Variants in REL observed in about 807,000 individuals in gnomAD.
REL encodes REL proto-oncogene, NF-kB subunit.
REL carries 15 observed loss-of-function variants against 45.9 expected under a neutral mutation model. That is an observed-to-expected ratio of 0.33 (90% CI 0.22 to 0.50). The LOEUF is 0.50. Among genes scored for constraint, REL ranks in the 20% least tolerant of loss-of-function variants. The pLI, the probability that REL is intolerant of heterozygous loss-of-function variation, is 0.98. For synonymous variants in REL, 239 were observed against 242.1 expected (o/e 0.99, Z 0.12); for missense variants, 601 against 715.2 (o/e 0.84, Z 1.82).
chr2:60,881,770 ACTG>A lies in REL; in HGVS notation c.-70_-68del. ...CCGGCAGAGGTCCCTCGGCCTCCTG[ACTG>A]ACTGACTGCGGCCGCCTCCGGCCAG... On this transcript the variant is annotated 5_prime_UTR_variant, in exon 1 of 10. Coordinates refer to ENST00000394479, the MANE Select transcript of REL (RefSeq NM_001291746.2). 1 of 1,437,320 alleles carries A rather than the reference ACTG, an allele frequency of 7.0e-7. No individual in the cohort carries two copies. The highest frequency in any genetic ancestry group is 9.4e-7 in the Non-Finnish European group (1 of 1,062,280). The allele number at this position is 1,437,320 out of a possible 1,614,324, so 89.0% of individuals were successfully genotyped here.
intron 3 of REL, among the ~76,000 whole-genome samples, chr2:60,894,913 A>G (rs1201876632): frequency 1.4e-5 from 2 of 146,358 alleles, no homozygotes; most frequent in African/African-American, 2.6e-5. Context: ...CTAAAGTGCA[A>G]TGGCGCAATC....
intron 1 of REL, among the ~76,000 whole-genome samples, chr2:60,889,219 T>G (rs1240646507): frequency 6.6e-6 from 1 of 152,188 alleles, no homozygotes; most frequent in Non-Finnish European, 1.5e-5. Context: ...TCCTCTTCAT[T>G]TCCTCCGCTC....
At position 60,892,192 on chromosome 2, in the gene REL, G is replaced by C. The variant is rs895367985; in HGVS notation, c.153+367G>C. On this transcript the variant is annotated intron_variant, in intron 2 of 9. Transcript: ENST00000394479. Reference sequence around the variant, plus strand: ...CAGAGGTGAGTGATATTATTCTGTAGATTAAACATGGATTTGAGAACTCAA... The same window carrying C: ...CAGAGGTGAGTGATATTATTCTGTACATTAAACATGGATTTGAGAACTCAA... Among the ~76,000 whole-genome samples, 9 of 152,104 alleles carry C rather than the reference G, an allele frequency of 5.9e-5. No individual in the cohort carries two copies. In the South Asian group the frequency reaches 1.9e-3, roughly 32 times the overall value.
intron 8 of REL, 153 bp downstream of exon 8, chr2:60,920,262 G>A (rs1481020930): frequency 3.0e-6 from 2 of 660,798 alleles, no homozygotes; most frequent in African/African-American, 3.7e-5. Flanking sequence ...AGTGCAGTAG[G>A]GCAATCTCAA....
intron 2 of REL, 89 bp from the exon 3 acceptor site, chr2:60,894,308 A>G (rs1673293345): frequency 1.7e-5 from 13 of 775,540 alleles, no homozygotes; most frequent in Non-Finnish European, 2.3e-5. Flanking sequence ...CAATTACATT[A>G]TAATTAATGT....
Position 60,924,743 on chromosome 2 carries a change from G to T in REL, c.*2208G>T, listed in dbSNP as rs374657609. 69 of 209,174 alleles carry T rather than the reference G, an allele frequency of 3.3e-4. 1 individual carries two copies. In the South Asian group the frequency reaches 0.011, roughly 33 times the overall value. 13.0% of individuals were successfully genotyped at this position (209,174 alleles called of 1,614,324 possible). A position where few individuals can be genotyped will look rare whatever the true frequency, so the allele number is the denominator to read the frequency against. On this transcript the variant is annotated 3_prime_UTR_variant, in exon 10 of 10. Coordinates refer to ENST00000394479, the MANE Select transcript of REL (RefSeq NM_001291746.2). Reference sequence around the variant, plus strand: ...TTATAACACATTTCCTTTTCAAAGTGCAAGATTTTTAAAAGAGACTTGTCA... The same window carrying T: ...TTATAACACATTTCCTTTTCAAAGTTCAAGATTTTTAAAAGAGACTTGTCA...
At position 60,921,972 on chromosome 2, in the gene REL, A is replaced by G. The variant is rs140572082; in HGVS notation, c.1201A>G (p.Thr401Ala). The G allele has an allele frequency of 1.5e-3, 2,417 of 1,614,210 alleles. 34 individuals are homozygous for G. In the South Asian group the frequency reaches 0.021, roughly 14 times the overall value. Residue 401 changes from threonine to alanine, a missense_variant, in exon 10 of 10, where the codon ACA becomes GCA. Thr to Ala is a moderately conservative substitution (Grantham distance 58). Coordinates refer to ENST00000394479, the MANE Select transcript of REL (RefSeq NM_001291746.2). ...GNTNPLSSFS[T>A]RTLPSNSQGI... ...TACAAACCCACTGAGTAGTTTTTCAACAAGGACACTTCCTTCTAATTCGCA... is the reference window on the plus strand; with the variant it reads ...TACAAACCCACTGAGTAGTTTTTCAGCAAGGACACTTCCTTCTAATTCGCA...
chr2:60,910,389 C>T lies in REL; in HGVS notation c.395-6488C>T, dbSNP rs147670194. On this transcript the variant is annotated intron_variant, in intron 4 of 9. Transcript: ENST00000394479. ...CTGAGACGGGAGAATGGCGTGAACC[C>T]GGGAGGCGGAGCTTGCAGGGAGCCA... Among the ~76,000 whole-genome samples the T allele has an allele frequency of 3.1e-3, 466 of 149,834 alleles. 2 individuals carry two copies. The highest frequency in any genetic ancestry group is 0.011 in the African/African-American group (432 of 40,752).
Position 60,927,387 on chromosome 2 carries a change from A to G in REL, c.*4852A>G, listed in dbSNP as rs1436948625. ...TGCTTCCCTTTTTTACCACACACAC[A>G]CGCACACATACCACAGCCCTTTGAG... On this transcript the variant is annotated 3_prime_UTR_variant, in exon 10 of 10. Transcript: ENST00000394479. 8.6e-6 allele frequency: 2 copies of G among 231,948 alleles called. No individual in the cohort carries two copies. Among genetic ancestry groups the G allele is most frequent in the East Asian group, 6.0e-5 (1 of 16,606 alleles). The allele number at this position is 231,948 out of a possible 1,614,324, so 14.4% of individuals were successfully genotyped here.
chr2:60,904,058 C>A (rs368861049), intron 4 of REL, among the ~76,000 whole-genome samples: 11 of 152,022 alleles, frequency 7.2e-5, no homozygotes, highest in African/African-American at 2.2e-4. Flanking sequence ...TTCATTTAAT[C>A]CTTATAACAG....
chr2:60,900,205 A>G (rs1673456865), intron 3 of REL: 1 of 152,242 alleles, frequency 6.6e-6, no homozygotes, highest in African/African-American at 2.4e-5. Context: ...ATATGCAATT[A>G]CCTGATTTCT....
Position 60,900,802 on chromosome 2 carries a change from C to T in REL, c.303-190C>T, listed in dbSNP as rs1673473672. On this transcript the variant is annotated intron_variant, in intron 3 of 9. Transcript: ENST00000394479. The stretch of plus-strand genomic sequence containing the variant: ...CCTCCCAAAGTGCTGGGATTACAGG[C>T]ACAAGCCACGCGCCCAGCCATATAA... 1.4e-5 allele frequency: 7 copies of T among 517,744 alleles called. No individual in the cohort carries two copies. In the East Asian group the frequency reaches 2.8e-4, roughly 20 times the overall value. 32.1% of individuals were successfully genotyped at this position (517,744 alleles called of 1,614,324 possible).
intron 4 of REL, among the ~76,000 whole-genome samples, chr2:60,904,317 G>T (rs774496949): frequency 2.0e-5 from 3 of 151,702 alleles, no homozygotes; most frequent in Non-Finnish European, 4.4e-5. Flanking sequence ...CAGGAGATTC[G>T]CTTGAACCCA....
chr2:60,914,051 C>T (rs1485614872), intron 4 of REL, among the ~76,000 whole-genome samples: 1 of 152,164 alleles, frequency 6.6e-6, no homozygotes, highest in Non-Finnish European at 1.5e-5. Flanking sequence ...TCCCTTCTGA[C>T]TTCATTTGAA....
intron 3 of REL, among the ~76,000 whole-genome samples, chr2:60,895,686 T>A (rs910572609): frequency 6.6e-6 from 1 of 152,222 alleles, no homozygotes; most frequent in Non-Finnish European, 1.5e-5. Context: ...TAAAGACGTC[T>A]GGTAGGCAAT....
At chr2:60,908,304 G>A (rs1673717264) in intron 4 of REL, among the ~76,000 whole-genome samples, 1 of 152,060 alleles carries the variant, frequency 6.6e-6, no homozygotes, top group Non-Finnish European at 1.5e-5. Flanking sequence ...TTGAGCTATT[G>A]AGTTTCCTAC....
chr2:60,881,874 C>G (rs1473741709), intron 1 of REL, 24 bp downstream of exon 1: 1 of 1,455,252 alleles, frequency 6.9e-7, no homozygotes, highest in Admixed American at 2.5e-5. Flanking sequence ...GGGCGCGGGC[C>G]TGGGCCGGGG....
intron 4 of REL, chr2:60,911,305 C>G (rs367840899): frequency 6.6e-6 from 1 of 152,092 alleles, no homozygotes; most frequent in Non-Finnish European, 1.5e-5. Context: ...AAAGAGTGAG[C>G]TTTGTGCATT....
intron 3 of REL, among the ~76,000 whole-genome samples, chr2:60,896,560 T>G (rs1446386946): frequency 6.6e-6 from 1 of 152,212 alleles, no homozygotes; most frequent in Admixed American, 6.5e-5. Flanking sequence ...TCTCCACATA[T>G]ATTAGTAATA....
Sources: allele counts gnomAD v4.1 joint callset (sites outside exome capture counted in the v4.1 genomes callset), GRCh38; gene constraint gnomAD v4.1.1; transcripts MANE v1.5; gene names NCBI Gene and HGNC (gene_info 2026-07-23, HGNC 2026-07-21).